Variants in PITX3 observed in about 807,000 individuals in gnomAD.
The protein encoded by PITX3 is paired like homeodomain 3, also known as pituitary homeobox 3.
PITX3 carries 4 observed loss-of-function variants against 14.2 expected under a neutral mutation model. That is an observed-to-expected ratio of 0.28 (90% CI 0.14 to 0.65). The LOEUF (loss-of-function observed/expected upper bound fraction) is 0.65, where lower values mean the gene tolerates loss of function less well. Ranked by LOEUF, PITX3 falls within the 30% of genes least tolerant of loss-of-function variation. The pLI is 0.82. For missense variants in PITX3, 358 were observed against 426.8 expected, an observed-to-expected ratio of 0.84 and a Z score of 1.42; for synonymous variants, 194 against 204.5, an observed-to-expected ratio of 0.95 and a Z score of 0.44.
intron 1 of PITX3, among the ~76,000 whole-genome samples, chr10:102,237,457 G>A (rs2070427000): frequency 6.6e-6 from 1 of 152,140 alleles, no homozygotes; most frequent in Non-Finnish European, 1.5e-5. Context: ...AGAGAAACGA[G>A]TCAAACCGAG....
intron 1 of PITX3, among the ~76,000 whole-genome samples, chr10:102,240,202 G>A (rs1221648237): frequency 6.6e-6 from 1 of 152,244 alleles, no homozygotes; most frequent in African/African-American, 2.4e-5. Flanking sequence ...GAGGCTGCCA[G>A]GGGCTTGTAC....
intron 1 of PITX3, among the ~76,000 whole-genome samples, chr10:102,233,304 C>CTTTTTTT (rs35379060): frequency 5.6e-5 from 6 of 107,910 alleles, no homozygotes; most frequent in African/African-American, 7.4e-5. Context: ...TTTTTTCCTT[C>CTTTTTTT]TTTTTTTTTT....
chr10:102,240,438 G>A, intron 1 of PITX3, among the ~76,000 whole-genome samples: 1 of 152,222 alleles, frequency 6.6e-6, no homozygotes, highest in East Asian at 1.9e-4. Flanking sequence ...TCACAGCTTC[G>A]CAGCCCGAAG....
chr10:102,234,274 C>G (rs2070328318), intron 1 of PITX3, among the ~76,000 whole-genome samples: 3 of 152,162 alleles, frequency 2.0e-5, no homozygotes, highest in South Asian at 2.1e-4. Flanking sequence ...ACTCCCCACC[C>G]CACCTCTCAA....
Position 102,231,207 on chromosome 10 carries a change from C to T in PITX3, c.322-106G>A, listed in dbSNP as rs546072459. 288 of 1,119,986 alleles carry T rather than the reference C, an allele frequency of 2.6e-4. 3 individuals are homozygous for T. In the East Asian group the frequency reaches 7.7e-3, roughly 30 times the overall value. 69.4% of individuals were successfully genotyped at this position (1,119,986 alleles called of 1,614,324 possible). On this transcript the variant is annotated intron_variant, in intron 3 of 3. Transcript: ENST00000370002. ...CAGCCGGGGCCCTGCGGTCAATAAA[C>T]GAGATGAGGTGGCTAGAGACGGGGT...
At chr10:102,234,098 C>A (rs576599209) in intron 1 of PITX3, among the ~76,000 whole-genome samples, 75 of 152,328 alleles carry the variant, frequency 4.9e-4, no homozygotes, top group African/African-American at 1.6e-3. Flanking sequence ...ATGCAGGCTG[C>A]ACAGGATGGC....
At chr10:102,237,042 C>T (rs762430900) in intron 1 of PITX3, among the ~76,000 whole-genome samples, 1 of 152,118 alleles carries the variant, frequency 6.6e-6, no homozygotes, top group Non-Finnish European at 1.5e-5. Context: ...AGGGACGATT[C>T]GGGGATCAGA....
intron 1 of PITX3, among the ~76,000 whole-genome samples, chr10:102,238,389 C>A (rs1159902798): frequency 1.3e-5 from 2 of 152,242 alleles, no homozygotes; most frequent in Non-Finnish European, 1.5e-5. Context: ...ATGTTCCCAT[C>A]CCTGAGCAGG....
At chr10:102,232,167 C>T in intron 1 of PITX3, 75 bp from the exon 2 acceptor site, 3 of 820,606 alleles carry the variant, frequency 3.7e-6, no homozygotes, top group Non-Finnish European at 6.1e-6. Flanking sequence ...AGCAGCGTTT[C>T]CTCGTAAATT....
At position 102,231,736 on chromosome 10, in the gene PITX3, A is replaced by G. The variant is rs1268445909; in HGVS notation, c.173T>C (p.Leu58Pro). 6.2e-7 allele frequency: 1 copy of G among 1,609,954 alleles called. No homozygotes were observed. The highest frequency in any genetic ancestry group is 8.5e-7 in the Non-Finnish European group (1 of 1,178,588). The change falls in exon 3 of 4, where the codon CTG (leucine) becomes CCG (proline). Residue 58 changes from leucine (L) to proline (P), a missense_variant. Physicochemically the swap from Leu to Pro is moderately conservative, Grantham distance 98 (BLOSUM62 -3). Around this residue, in one of 3 missense-constraint regions of PITX3, gnomAD observed 72 missense variants for 79.9 expected, o/e 0.90. Coordinates refer to ENST00000370002, the MANE Select transcript of PITX3 (RefSeq NM_005029.4). ...GCGCTGCCGCCGCTGCTTCTTTTTC[A>G]GCGAACCGTCCTCTGGGGAGCCGCC... ...LPGGSPEDGS[L>P]KKKQRRQRTH...
rs372354410 is a variant in PITX3, at chr10:102,230,591, T to C, written c.832A>G (p.Ser278Gly). Residue 278 changes from serine to glycine, a missense_variant, in exon 4 of 4, where the codon AGC (serine) becomes GGC (glycine). Physicochemically the swap from Ser to Gly is moderately conservative, Grantham distance 56. This residue lies in a region of PITX3 where 236 missense variants were observed against 250.2 expected (regional missense o/e 0.94). Transcript: ENST00000370002. ...RLKAKQHASF[S>G]YPAVHGPPPA... ...GGCGGCCCGTGCACAGCGGGGTAGC[T>C]GAAGGAGGCGTGCTGTTTGGCTTTG... 4.3e-6 allele frequency: 7 copies of C among 1,611,308 alleles called. No individual in the cohort carries two copies. In the African/African-American group the frequency reaches 9.3e-5, roughly 22 times the overall value.
intron 1 of PITX3, among the ~76,000 whole-genome samples, chr10:102,235,440 T>C (rs1043028899): frequency 2.0e-5 from 3 of 152,152 alleles, no homozygotes; most frequent in African/African-American, 7.2e-5. Context: ...TAGATTCACG[T>C]CCTGGCTGTA....
At position 102,236,097 on chromosome 10, in the gene PITX3, AGACCTCTAGCC is replaced by A. The variant is rs2133808829; in HGVS notation, c.-12-4016_-12-4006del. 1.3e-5 allele frequency among the ~76,000 whole-genome samples: 2 copies of A among 152,350 alleles called. 1 individual carries two copies. The highest frequency in any genetic ancestry group is 4.1e-4 in the South Asian group (2 of 4,832). ...TAGAGAGATGGAAGGGTGGGGGCAT[AGACCTCTAGCC>A]GACTCACGTCCGGGTGGGCTGGTCA... is the stretch of plus-strand genomic sequence containing the variant. On this transcript the variant is annotated intron_variant, in intron 1 of 3. Transcript: ENST00000370002.
intron 1 of PITX3, among the ~76,000 whole-genome samples, chr10:102,238,165 C>G (rs1374260346): frequency 6.6e-6 from 1 of 152,182 alleles, no homozygotes; most frequent in African/African-American, 2.4e-5. Flanking sequence ...TCCTTTTCCT[C>G]CCCATCATTC....
chr10:102,240,873 G>A (rs1016958629), intron 1 of PITX3, among the ~76,000 whole-genome samples: 1 of 152,200 alleles, frequency 6.6e-6, no homozygotes, highest in African/African-American at 2.4e-5. Flanking sequence ...GGCGCACCCC[G>A]GCTCCCAGCC....
intron 1 of PITX3, among the ~76,000 whole-genome samples, chr10:102,232,480 C>G (rs1006770131): frequency 6.6e-6 from 1 of 152,096 alleles, no homozygotes; most frequent in African/African-American, 2.4e-5. Flanking sequence ...GTCAGGAGTT[C>G]GAGACCAGCC....
At chr10:102,231,916 G>T in intron 2 of PITX3, 47 bp downstream of exon 2, 1 of 1,564,860 alleles carries the variant, frequency 6.4e-7, no homozygotes, top group Non-Finnish European at 8.8e-7. Context: ...ACCCGCACTG[G>T]GGATGAAGCT....
intron 1 of PITX3, among the ~76,000 whole-genome samples, chr10:102,237,229 CTG>C (rs2070418276): frequency 6.6e-6 from 1 of 152,096 alleles, no homozygotes; most frequent in African/African-American, 2.4e-5. Context: ...GACTCCCAGA[CTG>C]TGGGAGATCA....
intron 1 of PITX3, among the ~76,000 whole-genome samples, chr10:102,240,685 G>C (rs1564994721): frequency 1.3e-5 from 2 of 152,206 alleles, no homozygotes; most frequent in African/African-American, 4.8e-5. Flanking sequence ...GTCCGATTCT[G>C]AGGCGGCCTC....
Sources: allele counts gnomAD v4.1 joint callset (sites outside exome capture counted in the v4.1 genomes callset), GRCh38; gene constraint gnomAD v4.1.1; regional missense constraint gnomAD v4.1.1; transcripts MANE v1.5; gene names NCBI Gene and HGNC (gene_info 2026-07-23, HGNC 2026-07-21).